The following ARCN1 variants were observed in gnomAD, a reference collection of about 807,000 sequenced individuals.
ARCN1 encodes archain 1 coat protein complex I subunit delta, also known as coatomer subunit delta.
A neutral mutation model predicts 60.4 loss-of-function variants in ARCN1; 5 were observed. The ratio of observed to expected loss-of-function variants is 0.08; its 90% CI spans 0.04 to 0.17. The LOEUF (loss-of-function observed/expected upper bound fraction) is 0.17. Ranked by LOEUF, ARCN1 falls within the 10% of genes least tolerant of loss-of-function variation. ARCN1 has a pLI of 1.00. For synonymous variants in ARCN1, 224 were observed against 220.0 expected, an observed-to-expected ratio of 1.02 and a Z score of -0.16; for missense variants, 464 against 626.5, an observed-to-expected ratio of 0.74 and a Z score of 2.77.
At chr11:118,590,288 C>T in intron 5 of ARCN1, 53 bp from the exon 6 acceptor site, 1 of 1,522,240 alleles carries the variant, frequency 6.6e-7, no homozygotes, top group Non-Finnish European at 9.0e-7. Flanking sequence ...AGCCACCACG[C>T]CCGGCCATTG....
At position 118,594,550 on chromosome 11, in the gene ARCN1, A is replaced by T. The variant is rs371233625; in HGVS notation, c.1241+852A>T. ...TGGAGCTGTTTTTATTTATTTATTT[A>T]TTTTTTATTTTTATTGGAGACTGAG... On this transcript the variant is annotated intron_variant, in intron 8 of 9. Coordinates refer to ENST00000264028, the MANE Select transcript of ARCN1 (RefSeq NM_001655.5). Among the ~76,000 whole-genome samples, 144 of 151,988 alleles carry T rather than the reference A, an allele frequency of 9.5e-4. 4 individuals carry two copies. In the East Asian group the frequency reaches 0.012, roughly 13 times the overall value.
At chr11:118,576,070 T>C (rs1555073480) in intron 1 of ARCN1, among the ~76,000 whole-genome samples, 1 of 151,688 alleles carries the variant, frequency 6.6e-6, no homozygotes, top group African/African-American at 2.4e-5. Context: ...ACTAACCTCC[T>C]ATGTTAGGGA....
At chr11:118,582,471 T>C (rs1938679751) in intron 2 of ARCN1, among the ~76,000 whole-genome samples, 1 of 151,266 alleles carries the variant, frequency 6.6e-6, no homozygotes, top group Admixed American at 6.6e-5. Context: ...ACGCTTGTAA[T>C]CCCAGCACTT....
rs139269108 is a variant in ARCN1, at chr11:118,600,177, C to T, written c.1447-448C>T. ...GAAAAACCTCATTGGACCAGCCATG[C>T]CTAAAAAATAAGTATGATAGAGCAG... On this transcript the variant is annotated intron_variant, in intron 9 of 9. Transcript: ENST00000264028. Among the ~76,000 whole-genome samples the T allele has an allele frequency of 6.5e-3, 984 of 152,242 alleles. 12 individuals carry two copies. Among genetic ancestry groups the T allele is most frequent in the African/African-American group, 0.021 (878 of 41,540 alleles).
At chr11:118,582,170 T>C (rs1410225601) in intron 2 of ARCN1, among the ~76,000 whole-genome samples, 3 of 152,024 alleles carry the variant, frequency 2.0e-5, no homozygotes, top group Non-Finnish European at 4.4e-5. Flanking sequence ...GGAGTCTCGC[T>C]CTTGCCCTGG....
At chr11:118,577,777 GATAA>G (rs1555073930) in intron 1 of ARCN1, among the ~76,000 whole-genome samples, 1 of 152,140 alleles carries the variant, frequency 6.6e-6, no homozygotes, top group African/African-American at 2.4e-5. Flanking sequence ...GTAGATGTTC[GATAA>G]ATAATTACTC....
intron 4 of ARCN1, 122 bp from the exon 5 acceptor site, chr11:118,584,358 T>C: frequency 1.1e-6 from 1 of 898,464 alleles, no homozygotes; most frequent in Non-Finnish European, 1.6e-6. Context: ...TTACCCAAAA[T>C]TATATACAAA....
intron 2 of ARCN1, among the ~76,000 whole-genome samples, chr11:118,582,215 T>C (rs1365339495): frequency 6.6e-6 from 1 of 152,002 alleles, no homozygotes; most frequent in Non-Finnish European, 1.5e-5. Flanking sequence ...CAATCTCGGC[T>C]CACTGCAACC....
chr11:118,596,194 T>G (rs1241085517), intron 8 of ARCN1, among the ~76,000 whole-genome samples: 1 of 152,246 alleles, frequency 6.6e-6, no homozygotes, highest in East Asian at 1.9e-4. Flanking sequence ...TTATTACCAG[T>G]ATCCCCTTTA....
intron 2 of ARCN1, among the ~76,000 whole-genome samples, chr11:118,581,719 T>C (rs1555074668): frequency 1.3e-5 from 2 of 152,210 alleles, no homozygotes; most frequent in African/African-American, 4.8e-5. Context: ...TGGGAACTAC[T>C]GTTTCATTTC....
intron 8 of ARCN1, among the ~76,000 whole-genome samples, chr11:118,597,318 C>G (rs1939048076): frequency 6.6e-6 from 1 of 152,188 alleles, no homozygotes; most frequent in Non-Finnish European, 1.5e-5. Context: ...CCCATTGTCT[C>G]CTATAAAGAG....
Position 118,590,444 on chromosome 11 carries a change from G to T in ARCN1, c.922G>T (p.Asp308Tyr), listed in dbSNP as rs978102572. 1 of 1,614,228 alleles carries T rather than the reference G, an allele frequency of 6.2e-7. No individual in the cohort carries two copies. The highest frequency in any genetic ancestry group is 8.5e-7 in the Non-Finnish European group (1 of 1,180,044). ...CATGATCATGCTTAGGATCTCAGAT[G>T]ACAAGTATGGCCGAATTCGTCTTCA... ...HGMIMLRISD[D>Y]KYGRIRLHVE... The change falls in exon 6 of 10, where the codon GAC becomes TAC. Residue 308 changes from aspartate (D) to tyrosine (Y), a missense_variant. Transcript: ENST00000264028.
intron 2 of ARCN1, among the ~76,000 whole-genome samples, chr11:118,581,883 C>G (rs781904833): frequency 7.3e-5 from 11 of 150,628 alleles, no homozygotes; most frequent in Non-Finnish European, 1.3e-4. Flanking sequence ...CAAAGTCTTG[C>G]TTAAAATGAA....
intron 1 of ARCN1, among the ~76,000 whole-genome samples, chr11:118,577,872 A>G (rs1483149655): frequency 6.6e-6 from 1 of 152,144 alleles, no homozygotes; most frequent in Non-Finnish European, 1.5e-5. Context: ...AGTAAAGTGG[A>G]TGGGCCAGGT....
intron 8 of ARCN1, 96 bp from the exon 9 acceptor site, chr11:118,597,611 A>AAAATTTGGGGATCATATATC: frequency 7.0e-7 from 1 of 1,431,128 alleles, no homozygotes. Flanking sequence ...CCTAGAAGGC[A>AAAATTTGGGGATCATATATC]AAATTTGGGG....
At chr11:118,572,886 G>A in intron 1 of ARCN1, 1 of 347,724 alleles carries the variant, frequency 2.9e-6, no homozygotes, top group Non-Finnish European at 5.3e-6. Context: ...GCGGACCTCG[G>A]AACTGATGCT....
At chr11:118,576,916 G>A (rs1184692725) in intron 1 of ARCN1, among the ~76,000 whole-genome samples, 19 of 152,174 alleles carry the variant, frequency 1.2e-4, no homozygotes, top group Non-Finnish European at 2.8e-4. Flanking sequence ...CAGGTGTGGC[G>A]GCTCATGCCT....
rs541171787 is a variant in ARCN1 at position 118,572,479 on chromosome 11, C to A, written c.-69C>A. On this transcript the variant is annotated 5_prime_UTR_variant, in exon 1 of 10. Transcript: ENST00000264028. ...GCAGGTCCAGAGCTGCTGGTGCTCCCGTTCCCCAGACCCTACCCCTATCCC... is the reference window on the plus strand; with the variant it reads ...GCAGGTCCAGAGCTGCTGGTGCTCCAGTTCCCCAGACCCTACCCCTATCCC... 3 of 1,566,156 alleles carry A rather than the reference C, an allele frequency of 1.9e-6. No individual in the cohort carries two copies. Among genetic ancestry groups the A allele is most frequent in the South Asian group, 2.3e-5 (2 of 87,626 alleles).
chr11:118,592,688 T>C, intron 6 of ARCN1, 21 bp from the exon 7 acceptor site: 1 of 1,604,976 alleles, frequency 6.2e-7, no homozygotes, highest in Non-Finnish European at 8.5e-7. Flanking sequence ...CTCAGGAGTT[T>C]TCCTTTCCCT....
Sources: gnomAD v4.1 joint callset for allele counts (sites outside exome capture counted in the v4.1 genomes callset) on GRCh38, gnomAD v4.1.1 for gene constraint, MANE v1.5 for transcripts, NCBI Gene and HGNC (gene_info 2026-07-23, HGNC 2026-07-21) for gene names.